KIAA1671: variants seen among roughly 807,000 people sequenced by gnomAD.
KIAA1671 encodes the protein uncharacterized protein KIAA1671.
KIAA1671 carries 52 observed loss-of-function variants against 131.2 expected under a neutral mutation model. The ratio of observed to expected loss-of-function variants is 0.40; its 90% CI spans 0.32 to 0.50. The LOEUF (loss-of-function observed/expected upper bound fraction) is 0.50. KIAA1671 is among the 20% of genes least tolerant of loss of function. The pLI is 0.73. For synonymous variants in KIAA1671, 1,003 were observed against 961.6 expected (o/e 1.04, Z -0.80); for missense variants, 2,360 against 2,364.2 (o/e 1.00, Z 0.04).
chr22:25,018,019 A>ACCTCCT (rs369856501), intron 1 of KIAA1671, among the ~76,000 whole-genome samples: 28 of 144,806 alleles, frequency 1.9e-4, no homozygotes, highest in African/African-American at 2.8e-4. Context: ...GCTGACACCA[A>ACCTCCT]CCTCCTCCTC....
chr22:25,184,952 AGAC>A (rs1047363936), intron 10 of KIAA1671, 22 bp from the exon 11 acceptor site: 2 of 1,550,568 alleles, frequency 1.3e-6, no homozygotes, highest in African/African-American at 2.7e-5. Flanking sequence ...GGCAGCTTAT[AGAC>A]TCAGCTCTCT....
At chr22:25,163,239 G>A (rs1933509702) in intron 6 of KIAA1671, among the ~76,000 whole-genome samples, 1 of 150,572 alleles carries the variant, frequency 6.6e-6, no homozygotes, top group Non-Finnish European at 1.5e-5. Flanking sequence ...AAGATGGGAG[G>A]ATCACTTAAG....
rs573572047 is a variant in KIAA1671, at chr22:24,958,602, G to T, written c.-208+5830G>T. ...GGAGGTGGAGGGTGTGGTGACCTGAGATCATGCCATTGCAATCCAGCCTGG... is the reference window on the plus strand; with the variant it reads ...GGAGGTGGAGGGTGTGGTGACCTGATATCATGCCATTGCAATCCAGCCTGG... On this transcript the variant is annotated intron_variant, in intron 1 of 12. Transcript: ENST00000358431. 3.4e-5 allele frequency among the ~76,000 whole-genome samples: 5 copies of T among 147,748 alleles called. No homozygotes were observed. In the East Asian group the frequency reaches 1.0e-3, roughly 30 times the overall value.
At chr22:25,099,779 C>G (rs1314271252) in intron 6 of KIAA1671, among the ~76,000 whole-genome samples, 1 of 152,084 alleles carries the variant, frequency 6.6e-6, no homozygotes, top group Non-Finnish European at 1.5e-5. Context: ...TCCCGAGGTA[C>G]TGGTATTACA....
chr22:25,018,225 G>A (rs1187702472), intron 1 of KIAA1671, among the ~76,000 whole-genome samples: 1 of 152,024 alleles, frequency 6.6e-6, no homozygotes, highest in Non-Finnish European at 1.5e-5. Context: ...GATTAGGAAC[G>A]TTCCCACCGC....
At chr22:25,155,072 G>A (rs1010114962) in intron 6 of KIAA1671, among the ~76,000 whole-genome samples, 1 of 152,188 alleles carries the variant, frequency 6.6e-6, no homozygotes, top group Non-Finnish European at 1.5e-5. Flanking sequence ...GGATACTTGG[G>A]ATAGGAAACT....
chr22:24,960,947 C>T (rs1000304308), intron 1 of KIAA1671, among the ~76,000 whole-genome samples: 5 of 152,112 alleles, frequency 3.3e-5, no homozygotes, highest in Non-Finnish European at 7.3e-5. Flanking sequence ...GGCCTCTGGC[C>T]TGAGGGAAGG....
At chr22:25,101,012 A>C (rs1020314976) in intron 6 of KIAA1671, among the ~76,000 whole-genome samples, 2 of 152,222 alleles carry the variant, frequency 1.3e-5, no homozygotes, top group African/African-American at 4.8e-5. Flanking sequence ...AGGGGAGGTC[A>C]TGTGTTCCTT....
intron 6 of KIAA1671, among the ~76,000 whole-genome samples, chr22:25,141,638 C>A (rs1932808968): frequency 6.6e-6 from 1 of 152,064 alleles, no homozygotes; most frequent in Non-Finnish European, 1.5e-5. Flanking sequence ...GGGGAAAAAA[C>A]CCTAATCACC....
chr22:24,974,445 T>C (rs991226174), intron 1 of KIAA1671, among the ~76,000 whole-genome samples: 1 of 151,968 alleles, frequency 6.6e-6, no homozygotes, highest in Non-Finnish European at 1.5e-5. Context: ...GGAGAGAGCT[T>C]AAGTCATTAG....
intron 1 of KIAA1671, among the ~76,000 whole-genome samples, chr22:24,974,685 CTTTTTTTTTTTTTTT>C (rs34171375): frequency 4.9e-5 from 4 of 81,258 alleles, no homozygotes; most frequent in Non-Finnish European, 6.5e-5. Flanking sequence ...CAGCTCACCT[CTTTTTTTTTTTTTTT>C]TTTTTTTTTG....
intron 6 of KIAA1671, chr22:25,061,569 C>T (rs1347446871): frequency 6.6e-6 from 1 of 152,258 alleles, no homozygotes; most frequent in Non-Finnish European, 1.5e-5. Context: ...CTGACCTCTG[C>T]CTCACTGCCA....
chr22:25,045,612 G>A (rs1327226023), intron 5 of KIAA1671, among the ~76,000 whole-genome samples: 1 of 152,176 alleles, frequency 6.6e-6, no homozygotes, highest in East Asian at 1.9e-4. Flanking sequence ...TTTTTGAGAT[G>A]GAGTTTTGCT....
intron 1 of KIAA1671, among the ~76,000 whole-genome samples, chr22:24,958,994 A>G (rs1396774298): frequency 3.6e-4 from 54 of 149,892 alleles, no homozygotes; most frequent in Non-Finnish European, 5.2e-4. Flanking sequence ...AAAAAAAAAA[A>G]AAAAGAAAAG....
At chr22:25,174,606 C>T (rs938082073) in intron 8 of KIAA1671, 117 bp downstream of exon 8, 8 of 1,206,212 alleles carry the variant, frequency 6.6e-6, no homozygotes, top group Admixed American at 2.9e-5. Context: ...GTACGGAGGG[C>T]ACTGTCTTTG....
At chr22:25,187,701 A>G (rs1934525134) in intron 11 of KIAA1671, among the ~76,000 whole-genome samples, 1 of 152,050 alleles carries the variant, frequency 6.6e-6, no homozygotes, top group Non-Finnish European at 1.5e-5. Flanking sequence ...TGTAGAGACA[A>G]GATTTCGCCA....
At chr22:25,091,815 A>T (rs1212478996) in intron 6 of KIAA1671, among the ~76,000 whole-genome samples, 1 of 152,208 alleles carries the variant, frequency 6.6e-6, no homozygotes, top group Admixed American at 6.5e-5. Flanking sequence ...GAAATGCTTC[A>T]ACCAGCAAGG....
At chr22:25,168,551 G>C (rs1933727742) in intron 6 of KIAA1671, among the ~76,000 whole-genome samples, 1 of 152,156 alleles carries the variant, frequency 6.6e-6, no homozygotes, top group Non-Finnish European at 1.5e-5. Context: ...AAATTAGCCA[G>C]GCATGGTGGT....
intron 6 of KIAA1671, among the ~76,000 whole-genome samples, chr22:25,141,695 T>C (rs964034518): frequency 6.6e-6 from 1 of 152,202 alleles, no homozygotes; most frequent in Non-Finnish European, 1.5e-5. Flanking sequence ...CTCCCCTACC[T>C]TCTGGGAACA....
Sources: allele counts gnomAD v4.1 joint callset (sites outside exome capture counted in the v4.1 genomes callset), GRCh38; gene constraint gnomAD v4.1.1; transcripts MANE v1.5; gene names NCBI Gene and HGNC (gene_info 2026-07-23, HGNC 2026-07-21).